Variants in RHOJ observed in about 807,000 individuals in gnomAD.
RHOJ encodes ras homolog family member J.
A neutral mutation model predicts 23.4 loss-of-function variants in RHOJ; 11 were observed. That is an observed-to-expected ratio of 0.47 (90% CI 0.30 to 0.78). RHOJ has a LOEUF of 0.78. Among genes scored for constraint, RHOJ ranks in the 30% least tolerant of loss-of-function variants. The probability of loss-of-function intolerance (pLI) is 0.08; values close to 1 mark genes in which losing one functional copy is unlikely to be tolerated. For missense variants in RHOJ, 254 were observed against 273.4 expected, an observed-to-expected ratio of 0.93 and a Z score of 0.50; for synonymous variants, 102 against 102.7, an observed-to-expected ratio of 0.99 and a Z score of 0.04.
intron 2 of RHOJ, among the ~76,000 whole-genome samples, chr14:63,278,475 G>A (rs534242128): frequency 5.9e-4 from 89 of 152,018 alleles, no homozygotes; most frequent in African/African-American, 2.1e-3. Context: ...TGTGCAGAAC[G>A]TGCAGGTTTG....
intron 1 of RHOJ, among the ~76,000 whole-genome samples, chr14:63,238,420 T>C (rs1359008242): frequency 6.6e-6 from 1 of 151,562 alleles, no homozygotes; most frequent in Non-Finnish European, 1.5e-5. Context: ...TTATTTATTA[T>C]TATTATTATT....
At chr14:63,256,728 G>A (rs1366726463) in intron 1 of RHOJ, among the ~76,000 whole-genome samples, 7 of 152,074 alleles carry the variant, frequency 4.6e-5, no homozygotes, top group East Asian at 1.9e-4. Flanking sequence ...TCACGAGGTC[G>A]GGAGTTTAAG....
At chr14:63,211,632 C>T (rs1894240635) in intron 1 of RHOJ, among the ~76,000 whole-genome samples, 1 of 152,190 alleles carries the variant, frequency 6.6e-6, no homozygotes, top group Non-Finnish European at 1.5e-5. Context: ...TAAATCTACT[C>T]TTCTAGTTCT....
At chr14:63,214,934 C>T (rs982729369) in intron 1 of RHOJ, among the ~76,000 whole-genome samples, 4 of 152,050 alleles carry the variant, frequency 2.6e-5, no homozygotes, top group Non-Finnish European at 5.9e-5. Flanking sequence ...AATTAGAGAG[C>T]ACCTGCCCTC....
chr14:63,254,927 C>T (rs1895136570), intron 1 of RHOJ, among the ~76,000 whole-genome samples: 1 of 152,072 alleles, frequency 6.6e-6, no homozygotes, highest in African/African-American at 2.4e-5. Context: ...CTGCTGGGTA[C>T]AATCTACTGA....
intron 1 of RHOJ, among the ~76,000 whole-genome samples, chr14:63,237,303 A>C (rs933401575): frequency 1.3e-5 from 2 of 152,212 alleles, no homozygotes; most frequent in Non-Finnish European, 2.9e-5. Flanking sequence ...CCTAGAAAGC[A>C]TGATCTGACA....
chr14:63,243,745 ACTC>A (rs1894926525), intron 1 of RHOJ, among the ~76,000 whole-genome samples: 1 of 152,066 alleles, frequency 6.6e-6, no homozygotes, highest in South Asian at 2.1e-4. Context: ...CCATGAAACA[ACTC>A]CTCAGAGAGT....
At chr14:63,236,058 G>A (rs967931376) in intron 1 of RHOJ, among the ~76,000 whole-genome samples, 1 of 152,098 alleles carries the variant, frequency 6.6e-6, no homozygotes, top group African/African-American at 2.4e-5. Flanking sequence ...TCATGAACAG[G>A]TTTTATTGTT....
Position 63,292,795 on chromosome 14 carries a change from T to A in RHOJ, c.*1771T>A, listed in dbSNP as rs951459991. On this transcript the variant is annotated 3_prime_UTR_variant, in exon 5 of 5. Transcript: ENST00000316754. Reference sequence around the variant, plus strand: ...GAGATCCTGTGTCTCTATAAAAAAATTAAAAATTAGTCAGTTGTAGTGACA... The same window carrying A: ...GAGATCCTGTGTCTCTATAAAAAAAATAAAAATTAGTCAGTTGTAGTGACA... The A allele has an allele frequency of 8.6e-5, 13 of 151,796 alleles. No homozygotes were observed. Among genetic ancestry groups the A allele is most frequent in the East Asian group, 7.7e-4 (4 of 5,184 alleles). The allele number at this position is 151,796 out of a possible 1,614,324, so 9.4% of individuals were successfully genotyped here.
chr14:63,283,045 T>C, intron 3 of RHOJ, 76 bp from the exon 4 acceptor site: 2 of 1,179,934 alleles, frequency 1.7e-6, no homozygotes, highest in Middle Eastern at 1.9e-4. Flanking sequence ...GGAAAAAGAC[T>C]CTATGATGTC....
At chr14:63,266,589 A>G (rs565624130) in intron 1 of RHOJ, among the ~76,000 whole-genome samples, 2 of 152,248 alleles carry the variant, frequency 1.3e-5, no homozygotes, top group East Asian at 3.9e-4. Flanking sequence ...ATTTGTTTGT[A>G]TCATCTATAA....
chr14:63,259,926 C>G (rs1895244174), intron 1 of RHOJ, among the ~76,000 whole-genome samples: 1 of 152,050 alleles, frequency 6.6e-6, no homozygotes, highest in Non-Finnish European at 1.5e-5. Context: ...AACAAAGAGA[C>G]AGGCAAGTAA....
chr14:63,289,170 T>C (rs1882173434), intron 4 of RHOJ, among the ~76,000 whole-genome samples: 2 of 152,248 alleles, frequency 1.3e-5, no homozygotes, highest in Non-Finnish European at 2.9e-5. Context: ...AGTGTCTTGC[T>C]TGGCCCATGG....
intron 1 of RHOJ, among the ~76,000 whole-genome samples, chr14:63,241,158 G>A (rs548125488): frequency 7.9e-5 from 12 of 152,332 alleles, no homozygotes; most frequent in Admixed American, 3.3e-4. Context: ...TGGAGGCCAC[G>A]CCATACGCGC....
chr14:63,272,974 G>A (rs1895498927), intron 2 of RHOJ, among the ~76,000 whole-genome samples: 1 of 152,200 alleles, frequency 6.6e-6, no homozygotes, highest in South Asian at 2.1e-4. Flanking sequence ...AGTAAGCTGA[G>A]ATCGCACCAT....
chr14:63,233,517 A>C (rs1011601941), intron 1 of RHOJ, among the ~76,000 whole-genome samples: 5 of 152,230 alleles, frequency 3.3e-5, no homozygotes, highest in Non-Finnish European at 5.9e-5. Context: ...TTGCTTATGA[A>C]AGTGAACCTC....
intron 4 of RHOJ, among the ~76,000 whole-genome samples, chr14:63,287,955 T>C (rs558810459): frequency 6.6e-6 from 1 of 152,042 alleles, no homozygotes; most frequent in South Asian, 2.1e-4. Flanking sequence ...ACACAGATCA[T>C]TTTTTTTAGC....
intron 4 of RHOJ, among the ~76,000 whole-genome samples, chr14:63,290,282 C>T (rs1397752798): frequency 6.6e-6 from 1 of 152,050 alleles, no homozygotes; most frequent in African/African-American, 2.4e-5. Flanking sequence ...AATAATAATG[C>T]CAATTGGATA....
intron 1 of RHOJ, among the ~76,000 whole-genome samples, chr14:63,208,137 AT>A (rs1555343850): frequency 3.3e-5 from 5 of 152,198 alleles, no homozygotes; most frequent in Non-Finnish European, 1.5e-5. Context: ...GGGAGGGGAA[AT>A]ATCAGTTTTG....
Sources: gnomAD v4.1 joint callset for allele counts (sites outside exome capture counted in the v4.1 genomes callset) on GRCh38, gnomAD v4.1.1 for gene constraint, MANE v1.5 for transcripts, NCBI Gene and HGNC (gene_info 2026-07-23, HGNC 2026-07-21) for gene names.